The following MAGI1 variants were observed in gnomAD, a reference collection of about 807,000 sequenced individuals.
MAGI1 encodes membrane associated guanylate kinase, WW and PDZ domain containing 1.
A neutral mutation model predicts 139.9 loss-of-function variants in MAGI1; 58 were observed. The observed-to-expected ratio is 0.41, with a 90% CI of 0.34 to 0.52. MAGI1 has a LOEUF of 0.52. Among genes scored for constraint, MAGI1 ranks in the 20% least tolerant of loss-of-function variants. The pLI is 0.12. For missense variants in MAGI1, 1,874 were observed against 1,901.6 expected (o/e 0.99, Z 0.27); for synonymous variants, 812 against 737.9 (o/e 1.10, Z -1.63).
chr3:65,408,291 G>A (rs1009193095), intron 12 of MAGI1, among the ~76,000 whole-genome samples: 2 of 152,136 alleles, frequency 1.3e-5, no homozygotes, highest in African/African-American at 4.8e-5. Context: ...AACTTGCATT[G>A]CTTACTTCGC....
At chr3:65,841,388 C>A (rs1575668509) in intron 1 of MAGI1, among the ~76,000 whole-genome samples, 1 of 151,440 alleles carries the variant, frequency 6.6e-6, no homozygotes, top group East Asian at 1.9e-4. Context: ...AAATTTTCCT[C>A]TTTTCTTTCT....
At chr3:65,875,774 G>A (rs2060093222) in intron 1 of MAGI1, among the ~76,000 whole-genome samples, 1 of 152,298 alleles carries the variant, frequency 6.6e-6, no homozygotes, top group Non-Finnish European at 1.5e-5. Context: ...AATAATAACA[G>A]CTAGTACTGA....
intron 1 of MAGI1, among the ~76,000 whole-genome samples, chr3:65,924,338 G>A (rs1324714430): frequency 2.0e-5 from 3 of 152,150 alleles, no homozygotes; most frequent in Non-Finnish European, 2.9e-5. Flanking sequence ...AGAAAGGTCG[G>A]TCTACAGCAG....
chr3:65,435,275 AAAAG>A (rs1235806192), intron 10 of MAGI1, among the ~76,000 whole-genome samples: 2 of 152,322 alleles, frequency 1.3e-5, no homozygotes, highest in East Asian at 3.9e-4. Context: ...GAAAAAAAGA[AAAAG>A]AAAAAAAGGC....
At chr3:66,000,825 C>T (rs943619566) in intron 1 of MAGI1, among the ~76,000 whole-genome samples, 3 of 152,204 alleles carry the variant, frequency 2.0e-5, no homozygotes, top group Admixed American at 6.5e-5. Flanking sequence ...CAATTATTAT[C>T]CTCTCAGCCC....
At chr3:65,484,530 T>C (rs1191782682) in intron 3 of MAGI1, among the ~76,000 whole-genome samples, 1 of 152,186 alleles carries the variant, frequency 6.6e-6, no homozygotes, top group Non-Finnish European at 1.5e-5. Flanking sequence ...CAAATATGTA[T>C]AGAGTACATG....
chr3:65,612,745 A>C (rs1327006787), intron 2 of MAGI1, among the ~76,000 whole-genome samples: 1 of 152,154 alleles, frequency 6.6e-6, no homozygotes, highest in East Asian at 1.9e-4. Flanking sequence ...ATACAAGGAA[A>C]TTTTTTAAAA....
chr3:65,591,002 C>T (rs1182327669), intron 2 of MAGI1, among the ~76,000 whole-genome samples: 1 of 152,154 alleles, frequency 6.6e-6, no homozygotes, highest in Admixed American at 6.5e-5. Context: ...TCAGTGATGC[C>T]ACTCTCAGGA....
At chr3:65,386,236 T>C (rs941697809) in intron 14 of MAGI1, among the ~76,000 whole-genome samples, 3 of 110,304 alleles carry the variant, frequency 2.7e-5, no homozygotes, top group Non-Finnish European at 5.6e-5. Context: ...TCACACCGTT[T>C]AGGCCACATG....
At chr3:66,027,553 A>G (rs532012055) in intron 1 of MAGI1, among the ~76,000 whole-genome samples, 1 of 152,342 alleles carries the variant, frequency 6.6e-6, no homozygotes, top group African/African-American at 2.4e-5. Context: ...CACCTAGGTC[A>G]GCAGTCAGGG....
chr3:65,429,416 TTAAA>T (rs1173012897), intron 12 of MAGI1, 100 bp downstream of exon 12: 2 of 1,206,916 alleles, frequency 1.7e-6, no homozygotes, highest in Non-Finnish European at 2.3e-6. Flanking sequence ...TTTGAAACAT[TTAAA>T]TAAATTTAAA....
intron 1 of MAGI1, among the ~76,000 whole-genome samples, chr3:65,877,149 T>C (rs2060147693): frequency 6.6e-6 from 1 of 152,194 alleles, no homozygotes; most frequent in African/African-American, 2.4e-5. Context: ...CAGGCTGTGA[T>C]CAACATACTC....
At chr3:65,368,018 C>A (rs1941600706) in intron 18 of MAGI1, among the ~76,000 whole-genome samples, 1 of 152,110 alleles carries the variant, frequency 6.6e-6, no homozygotes, top group Admixed American at 6.5e-5. Flanking sequence ...TAAAGTTATG[C>A]TTGTTTTAAT....
chr3:65,492,599 T>C (rs1222603899), intron 3 of MAGI1, among the ~76,000 whole-genome samples: 1 of 152,218 alleles, frequency 6.6e-6, no homozygotes, highest in East Asian at 1.9e-4. Context: ...CCAAACAGCA[T>C]GTACTATATA....
intron 10 of MAGI1, among the ~76,000 whole-genome samples, chr3:65,432,556 C>G (rs922605166): frequency 1.3e-5 from 2 of 152,134 alleles, no homozygotes; most frequent in Non-Finnish European, 2.9e-5. Context: ...TGCTCTCTAG[C>G]GCAGTCCCAA....
chr3:65,712,299 C>T lies in MAGI1; in HGVS notation c.314-90211G>A, dbSNP rs565781792. Among the ~76,000 whole-genome samples the T allele has an allele frequency of 1.5e-4, 23 of 151,938 alleles. No homozygotes were observed. The East Asian group carries it at 4.5e-3, about 30-fold the overall frequency. ...CCACCATGCTCTGAGGAAACTGAGC[C>T]GCACAGGGAGGCCATGTGTAGGTTC... On this transcript the variant is annotated intron_variant, in intron 1 of 22. Transcript: ENST00000402939.
chr3:65,741,448 A>G (rs541135684), intron 1 of MAGI1, among the ~76,000 whole-genome samples: 1 of 152,334 alleles, frequency 6.6e-6, no homozygotes, highest in East Asian at 1.9e-4. Context: ...TGCTGGGATT[A>G]CAGGCCTGAG....
intron 2 of MAGI1, among the ~76,000 whole-genome samples, chr3:65,512,960 G>C (rs2077676891): frequency 1.5e-5 from 2 of 137,670 alleles, no homozygotes; most frequent in South Asian, 5.1e-4. Flanking sequence ...TATCCACCAT[G>C]ATCAAGTGGG....
At chr3:65,785,467 T>C (rs1417594893) in intron 1 of MAGI1, among the ~76,000 whole-genome samples, 4 of 152,216 alleles carry the variant, frequency 2.6e-5, no homozygotes, top group Admixed American at 6.5e-5. Flanking sequence ...TGTTTAAAAT[T>C]AAACTTCAGT....
Sources: allele counts gnomAD v4.1 joint callset (sites outside exome capture counted in the v4.1 genomes callset), GRCh38; gene constraint gnomAD v4.1.1; transcripts MANE v1.5; gene names NCBI Gene and HGNC (gene_info 2026-07-23, HGNC 2026-07-21).